Variants in WDR11 observed in about 807,000 individuals in gnomAD.
WDR11 encodes WD repeat domain 11, also known as WD repeat-containing protein 11.
WDR11 carries 83 observed loss-of-function variants against 151.2 expected under a neutral mutation model. The ratio of observed to expected loss-of-function variants is 0.55; its 90% CI spans 0.46 to 0.66. The LOEUF is 0.66. WDR11 is among the 30% of genes least tolerant of loss of function. The pLI, the probability that WDR11 is intolerant of heterozygous loss-of-function variation, is 0.00. For synonymous variants in WDR11, 484 were observed against 533.1 expected (o/e 0.91, Z 1.27); for missense variants, 1,301 against 1,480.9 (o/e 0.88, Z 1.99).
intron 9 of WDR11, among the ~76,000 whole-genome samples, chr10:120,869,701 G>A (rs912391536): frequency 5.9e-5 from 9 of 152,232 alleles, no homozygotes; most frequent in South Asian, 4.1e-4. Flanking sequence ...GAAAAATGTG[G>A]CATTCCCTGG....
In WDR11 at chr10:120,866,787, GGTT is replaced by G. The variant is rs1846330011; in HGVS notation, c.1190+24_1190+26del. 10 of 1,613,454 alleles carry G rather than the reference GGTT, an allele frequency of 6.2e-6. No individual in the cohort carries two copies. In the East Asian group the frequency reaches 2.2e-4, roughly 36 times the overall value. ...CAGGTAAATGAATCAACAGGATCATGGTTTTGTTTTTTGTTTCCTGTTTCCTTT... is the reference window on the plus strand; with the variant it reads ...CAGGTAAATGAATCAACAGGATCATGTTGTTTTTTGTTTCCTGTTTCCTTT... On this transcript the variant is annotated intron_variant, in intron 8 of 28. Transcript: ENST00000263461.
At chr10:120,886,907 T>C in intron 16 of WDR11, 71 bp downstream of exon 16, 3 of 1,557,164 alleles carry the variant, frequency 1.9e-6, no homozygotes, top group Non-Finnish European at 2.7e-6. Flanking sequence ...AGTGAAGGCA[T>C]AGTTAAGTTG....
intron 22 of WDR11, 139 bp from the exon 23 acceptor site, chr10:120,902,916 C>G (rs900250433): frequency 7.9e-6 from 7 of 887,950 alleles, no homozygotes; most frequent in African/African-American, 1.6e-5. Context: ...GCTGCCTCCC[C>G]CTTTCACCCT....
At chr10:120,862,123 GTTTGTTTTTTGTT>G (rs1846161194) in intron 4 of WDR11, among the ~76,000 whole-genome samples, 1 of 147,058 alleles carries the variant, frequency 6.8e-6, no homozygotes, top group Non-Finnish European at 1.5e-5. Context: ...TTTTTTGTTT[GTTTGTTTTTTGTT>G]TTTGTTTTTG....
chr10:120,890,122 A>G, intron 18 of WDR11, 113 bp downstream of exon 18: 1 of 725,782 alleles, frequency 1.4e-6, no homozygotes, highest in Admixed American at 2.1e-5. Flanking sequence ...TGAGTTCGTC[A>G]AGTTTCCCAT....
intron 17 of WDR11, chr10:120,889,462 G>C (rs1847343594): frequency 2.5e-6 from 1 of 407,950 alleles, no homozygotes; most frequent in Admixed American, 3.6e-5. Flanking sequence ...GGATGGTCTC[G>C]ATCTCCTGAC....
Position 120,905,222 on chromosome 10 carries a change from C to T in WDR11, c.3194-97C>T, listed in dbSNP as rs1012572017. The T allele has an allele frequency of 1.6e-4, 183 of 1,166,610 alleles. 1 individual carries two copies. The highest frequency in any genetic ancestry group is 8.0e-4 in the Middle Eastern group (3 of 3,756). 72.3% of individuals were successfully genotyped at this position (1,166,610 alleles called of 1,614,324 possible). ...ATGTCTTCAGTAGGTATAAAATGGG[C>T]ACGACTAGATAAGGTCAAATGGGGA... On this transcript the variant is annotated intron_variant, in intron 25 of 28. Coordinates refer to ENST00000263461, the MANE Select transcript of WDR11 (RefSeq NM_018117.12).
chr10:120,908,711 T>C lies in WDR11; in HGVS notation c.3673T>C (p.Ter1225ArgextTer9). ...ESPKEEPIEE[*>R] ...CCCCAAGGAAGAACCCATTGAAGAG[T>C]GACAGCTTAATAAATGCCAGGGAAT... The change falls in exon 29 of 29, where the codon TGA becomes CGA. Residue 1225 changes from the stop codon to arginine, a stop_lost. Coordinates refer to ENST00000263461, the MANE Select transcript of WDR11 (RefSeq NM_018117.12). 6.2e-7 allele frequency: 1 copy of C among 1,613,934 alleles called. No homozygotes were observed. The highest frequency in any genetic ancestry group is 2.2e-5 in the East Asian group (1 of 44,854).
At chr10:120,883,554 C>CA (rs1847104659) in intron 13 of WDR11, among the ~76,000 whole-genome samples, 1 of 152,118 alleles carries the variant, frequency 6.6e-6, no homozygotes, top group Non-Finnish European at 1.5e-5. Context: ...CTCTTTCTTC[C>CA]AAGTTGGACT....
chr10:120,895,926 C>T (rs149205144), intron 19 of WDR11, among the ~76,000 whole-genome samples: 23 of 152,326 alleles, frequency 1.5e-4, no homozygotes, highest in African/African-American at 3.8e-4. Context: ...AACAGAGCTA[C>T]ATGCACATTT....
chr10:120,907,857 T>TG (rs1848123783), intron 28 of WDR11: 1 of 150,948 alleles, frequency 6.6e-6, no homozygotes, highest in Admixed American at 6.6e-5. Flanking sequence ...TTGCCCAGGC[T>TG]GGTCTTGAAC....
Position 120,853,021 on chromosome 10 carries a change from G to A in WDR11, c.198+386G>A, listed in dbSNP as rs79679271. 9.5e-3 allele frequency among the ~76,000 whole-genome samples: 1,444 copies of A among 151,776 alleles called. 18 individuals carry two copies. Among genetic ancestry groups the A allele is most frequent in the African/African-American group, 0.033 (1,375 of 41,322 alleles). ...GCGTAACACGCTGTGAGAAAACAGA[G>A]GAGCTGCATATTGCCTGGTTGTGAG... On this transcript the variant is annotated intron_variant, in intron 2 of 28. Transcript: ENST00000263461.
chr10:120,904,532 C>A, intron 24 of WDR11, 114 bp from the exon 25 acceptor site: 1 of 1,292,300 alleles, frequency 7.7e-7, no homozygotes, highest in South Asian at 1.3e-5. Context: ...ACAAAATATT[C>A]AATTGCATTT....
chr10:120,882,142 A>G (rs571104806), intron 13 of WDR11, among the ~76,000 whole-genome samples: 2 of 152,100 alleles, frequency 1.3e-5, no homozygotes, highest in East Asian at 3.9e-4. Flanking sequence ...TTCTTTTTGA[A>G]GTTCACTAAT....
chr10:120,893,268 G>C (rs993761023), intron 19 of WDR11, among the ~76,000 whole-genome samples: 1 of 150,844 alleles, frequency 6.6e-6, no homozygotes, highest in African/African-American at 2.4e-5. Context: ...TGCGGTGTTT[G>C]GTTTTTTGTC....
rs146124725 is a variant in WDR11 at position 120,871,265 on chromosome 10, C to G, written c.1390C>G (p.Pro464Ala). The G allele has an allele frequency of 2.5e-5, 40 of 1,614,002 alleles. No individual in the cohort carries two copies. Among genetic ancestry groups the G allele is most frequent in the Admixed American group, 1.0e-4 (6 of 59,990 alleles). ...FLLTGLLSGL[P>A]APQFAIRMCP... ...GCTGACGGGACTGCTTTCAGGACTG[C>G]CCGCACCACAGTTTGCTATTCGTAT... The change falls in exon 10 of 29, where the codon CCC becomes GCC. Residue 464 changes from proline to alanine, a missense_variant. This residue lies in a region of WDR11 where 692 missense variants were observed against 762.5 expected (regional missense o/e 0.91). Coordinates refer to ENST00000263461, the MANE Select transcript of WDR11 (RefSeq NM_018117.12).
At chr10:120,887,540 A>G (rs1490494153) in intron 16 of WDR11, among the ~76,000 whole-genome samples, 1 of 152,244 alleles carries the variant, frequency 6.6e-6, no homozygotes, top group Admixed American at 6.5e-5. Flanking sequence ...GCCAACCCCC[A>G]TAATTTTATA....
At chr10:120,879,636 A>G (rs1846927231) in intron 12 of WDR11, 1 of 152,214 alleles carries the variant, frequency 6.6e-6, no homozygotes, top group Non-Finnish European at 1.5e-5. Context: ...GATTTCCTTA[A>G]GTGGGATATT....
chr10:120,906,210 A>G, intron 27 of WDR11, 189 bp downstream of exon 27: 1 of 1,471,356 alleles, frequency 6.8e-7, no homozygotes. Flanking sequence ...TCGGTCTAGG[A>G]GCTATGCTAG....
Sources: allele counts gnomAD v4.1 joint callset (sites outside exome capture counted in the v4.1 genomes callset), GRCh38; gene constraint gnomAD v4.1.1; regional missense constraint gnomAD v4.1.1; transcripts MANE v1.5; gene names NCBI Gene and HGNC (gene_info 2026-07-23, HGNC 2026-07-21).